TPP2: variants seen among roughly 807,000 people sequenced by gnomAD.
The protein encoded by TPP2 is tripeptidyl-peptidase 2.
In TPP2, 34 loss-of-function variants were observed where a neutral mutation model predicts 155.9. The ratio of observed to expected loss-of-function variants is 0.22; its 90% confidence interval spans 0.17 to 0.29. The LOEUF is 0.29. Ranked by LOEUF, TPP2 falls within the 10% of genes least tolerant of loss-of-function variation. The pLI is 1.00. For missense variants in TPP2, 1,028 were observed against 1,522.3 expected, an observed-to-expected ratio of 0.68 and a Z score of 5.40; for synonymous variants, 510 against 529.4, an observed-to-expected ratio of 0.96 and a Z score of 0.50.
At chr13:102,658,398 G>T (rs1439022146) in intron 25 of TPP2, among the ~76,000 whole-genome samples, 1 of 152,066 alleles carries the variant, frequency 6.6e-6, no homozygotes, top group African/African-American at 2.4e-5. Context: ...AAGTCTTCAG[G>T]TCTGTCTCTG....
intron 6 of TPP2, among the ~76,000 whole-genome samples, chr13:102,623,251 G>GC (rs1881299226): frequency 6.6e-6 from 1 of 152,128 alleles, no homozygotes; most frequent in African/African-American, 2.4e-5. Flanking sequence ...GAATATAAAA[G>GC]CATGTTCCAA....
At chr13:102,608,964 C>T (rs1376758031) in intron 2 of TPP2, among the ~76,000 whole-genome samples, 1 of 152,176 alleles carries the variant, frequency 6.6e-6, no homozygotes, top group Non-Finnish European at 1.5e-5. Flanking sequence ...GTAATGATAA[C>T]ATTTAGGGGA....
In TPP2 at chr13:102,635,669, A is replaced by G. The variant is rs375118963; in HGVS notation, c.1476A>G (p.Ile492Met). ...ACACTGCAGTGAAGGCTGACAATAT[A>G]GAAGTATTTGCTCAAGGACATGGTA... ...LENTAVKADN[I>M]EVFAQGHGII... is the part of the protein sequence containing the mutation. The change falls in exon 12 of 30, where the codon ATA (isoleucine) becomes ATG (methionine). Residue 492 changes from isoleucine to methionine, a missense_variant. Around this residue, in one of 7 missense-constraint regions of TPP2, gnomAD observed 325 missense variants for 463.7 expected, o/e 0.70. Coordinates refer to ENST00000376052, the MANE Select transcript of TPP2 (RefSeq NM_001330588.2). The G allele has an allele frequency of 4.3e-6, 7 of 1,613,236 alleles. No individual in the cohort carries two copies. The highest frequency in any genetic ancestry group is 2.2e-5 in the South Asian group (2 of 91,080).
At position 102,617,158 on chromosome 13, in the gene TPP2, C is replaced by T. The variant is rs186360741; in HGVS notation, c.495+658C>T. On this transcript the variant is annotated intron_variant, in intron 4 of 29. Transcript: ENST00000376052. ...CTTGAACTCCCAACCTTGTGATACG[C>T]CCACCTTGGCCTCCCAAAGTGCTGG... is the stretch of plus-strand genomic sequence containing the variant. Among the ~76,000 whole-genome samples, 160 of 152,158 alleles carry T rather than the reference C, an allele frequency of 1.1e-3. 1 individual carries two copies. The highest frequency in any genetic ancestry group is 3.4e-3 in the Middle Eastern group (1 of 294).
intron 25 of TPP2, 25 bp from the exon 26 acceptor site, chr13:102,663,623 A>G (rs772895648): frequency 9.9e-6 from 15 of 1,510,844 alleles, no homozygotes; most frequent in Non-Finnish European, 1.3e-5. Context: ...AAAAGTAAAT[A>G]TTTCTCTCCT....
intron 8 of TPP2, 151 bp from the exon 9 acceptor site, chr13:102,629,330 AG>A: frequency 3.7e-6 from 3 of 807,316 alleles, no homozygotes; most frequent in Non-Finnish European, 5.1e-6. Context: ...AAGCCCAAGT[AG>A]GGTATATCAC....
chr13:102,667,057 A>G (rs902252204), intron 27 of TPP2, among the ~76,000 whole-genome samples: 9 of 152,120 alleles, frequency 5.9e-5, no homozygotes, highest in Admixed American at 3.9e-4. Flanking sequence ...GAAATATTAT[A>G]CAAGATGCTA....
chr13:102,648,092 G>C (rs940150156), intron 21 of TPP2, among the ~76,000 whole-genome samples: 3 of 152,208 alleles, frequency 2.0e-5, no homozygotes, highest in Non-Finnish European at 2.9e-5. Flanking sequence ...CTCAGAAAAA[G>C]TGGCTGACAC....
At position 102,635,784 on chromosome 13, in the gene TPP2, A is replaced by G. The variant is rs1746966720; in HGVS notation, c.1509+82A>G. The G allele has an allele frequency of 2.8e-6, 3 of 1,062,622 alleles. No homozygotes were observed. The South Asian group carries it at 4.3e-5, about 15-fold the overall frequency. 65.8% of individuals were successfully genotyped at this position (1,062,622 alleles called of 1,614,324 possible). A position where few individuals can be genotyped will look rare whatever the true frequency, so the allele number is the denominator to read the frequency against. On this transcript the variant is annotated intron_variant, in intron 12 of 29. Transcript: ENST00000376052. ...ATATTATTGGGTAATATTTTGTTTT[A>G]TAACAGTGATTCAGTATATCTGAAT... is the stretch of plus-strand genomic sequence containing the variant.
intron 5 of TPP2, among the ~76,000 whole-genome samples, chr13:102,621,244 G>A (rs1881141297): frequency 6.6e-6 from 1 of 152,194 alleles, no homozygotes; most frequent in Non-Finnish European, 1.5e-5. Context: ...TTTGCTGTGA[G>A]AATGTTGTTA....
At chr13:102,665,827 T>C (rs957867563) in intron 27 of TPP2, among the ~76,000 whole-genome samples, 3 of 152,174 alleles carry the variant, frequency 2.0e-5, no homozygotes, top group Admixed American at 1.3e-4. Context: ...AGTATTTTTT[T>C]CTACATAAAA....
In TPP2 at chr13:102,627,941, A is replaced by G. The variant is rs536710684; in HGVS notation, c.1016+17A>G. ...AAATTCTGGGTGAGTGTTCCTTGAC[A>G]GTTGTTTAGCCATAGAACCTTAGCC... On this transcript the variant is annotated intron_variant, in intron 8 of 29. Transcript: ENST00000376052. The G allele has an allele frequency of 4.4e-6, 7 of 1,603,380 alleles. No individual in the cohort carries two copies. Among genetic ancestry groups the G allele is most frequent in the East Asian group, 2.2e-5 (1 of 44,668 alleles).
chr13:102,640,097 C>G (rs1882652719), intron 15 of TPP2, among the ~76,000 whole-genome samples, 173 bp from the exon 16 acceptor site: 1 of 148,894 alleles, frequency 6.7e-6, no homozygotes, highest in Non-Finnish European at 1.5e-5. Context: ...GAGGTTATCT[C>G]TGCTAACCTA....
intron 5 of TPP2, among the ~76,000 whole-genome samples, chr13:102,621,337 G>A (rs780102027): frequency 1.3e-5 from 2 of 152,166 alleles, no homozygotes; most frequent in African/African-American, 2.4e-5. Flanking sequence ...CACCATAGAA[G>A]CTACTCCATG....
At chr13:102,650,279 C>G (rs1883397731) in intron 23 of TPP2, among the ~76,000 whole-genome samples, 1 of 152,246 alleles carries the variant, frequency 6.6e-6, no homozygotes, top group East Asian at 1.9e-4. Context: ...ACTATTACTT[C>G]TTACAGAGCT....
intron 12 of TPP2, 88 bp downstream of exon 12, chr13:102,635,790 G>A (rs1882337001): frequency 2.0e-6 from 2 of 1,001,232 alleles, no homozygotes; most frequent in South Asian, 1.5e-5. Context: ...TTTTATAACA[G>A]TGATTCAGTA....
chr13:102,676,518 A>G, intron 29 of TPP2, 103 bp downstream of exon 29: 1 of 1,378,138 alleles, frequency 7.3e-7, no homozygotes, highest in South Asian at 1.3e-5. Flanking sequence ...TACTGGTTTT[A>G]TTGTGACCAG....
chr13:102,645,905 G>T (rs1883069027), intron 19 of TPP2, among the ~76,000 whole-genome samples: 1 of 152,190 alleles, frequency 6.6e-6, no homozygotes, highest in African/African-American at 2.4e-5. Flanking sequence ...GTCTGGGGAG[G>T]TCTGTGCTGC....
chr13:102,652,943 G>C (rs946506039), intron 24 of TPP2, among the ~76,000 whole-genome samples: 2 of 152,122 alleles, frequency 1.3e-5, no homozygotes, highest in Non-Finnish European at 2.9e-5. Flanking sequence ...GGTATTCTAG[G>C]AATCTATTAA....
Sources: allele counts gnomAD v4.1 joint callset (sites outside exome capture counted in the v4.1 genomes callset), GRCh38; gene constraint gnomAD v4.1.1; regional missense constraint gnomAD v4.1.1; transcripts MANE v1.5; gene names NCBI Gene and HGNC (gene_info 2026-07-23, HGNC 2026-07-21).